COL25A1: variants seen among roughly 807,000 people sequenced by gnomAD.
COL25A1 encodes collagen type XXV alpha 1 chain.
COL25A1 carries 103 observed loss-of-function variants against 128.4 expected under a neutral mutation model. That is an observed-to-expected ratio of 0.80 (90% CI 0.68 to 0.94). The LOEUF is 0.94. Among genes scored for constraint, COL25A1 ranks in the 40% least tolerant of loss-of-function variants. The pLI is 0.00. For synonymous variants in COL25A1, 279 were observed against 277.2 expected, an observed-to-expected ratio of 1.01 and a Z score of -0.06; for missense variants, 745 against 840.0, an observed-to-expected ratio of 0.89 and a Z score of 1.40.
At chr4:108,962,607 C>T (rs1200395958) in intron 8 of COL25A1, among the ~76,000 whole-genome samples, 1 of 152,116 alleles carries the variant, frequency 6.6e-6, no homozygotes, top group Non-Finnish European at 1.5e-5. Flanking sequence ...TTGATACTAC[C>T]TTTCCATCAC....
At chr4:109,086,869 T>C (rs1158060504) in intron 3 of COL25A1, among the ~76,000 whole-genome samples, 2 of 152,152 alleles carry the variant, frequency 1.3e-5, no homozygotes, top group Non-Finnish European at 2.9e-5. Flanking sequence ...CACATGCTAG[T>C]GCCCACAGCA....
chr4:109,024,637 T>C (rs75447536), intron 5 of COL25A1, among the ~76,000 whole-genome samples: 1,558 of 152,256 alleles, frequency 0.01, 31 homozygotes, highest in African/African-American at 0.036. Context: ...ACTAGCCCCA[T>C]CTCATGATTA....
At chr4:109,063,428 G>C (rs1834355) in intron 3 of COL25A1, among the ~76,000 whole-genome samples, 1 of 151,230 alleles carries the variant, frequency 6.6e-6, no homozygotes, top group South Asian at 2.1e-4. Context: ...GCTTGAACCC[G>C]GAAGGCAGAA....
chr4:109,198,751 A>G (rs1342248106), intron 3 of COL25A1, among the ~76,000 whole-genome samples: 1 of 152,214 alleles, frequency 6.6e-6, no homozygotes, highest in Non-Finnish European at 1.5e-5. Context: ...CACACTTACA[A>G]TGGTTTAAAA....
intron 6 of COL25A1, among the ~76,000 whole-genome samples, chr4:109,000,546 G>C (rs1191400122): frequency 1.3e-5 from 2 of 152,002 alleles, no homozygotes; most frequent in Non-Finnish European, 2.9e-5. Context: ...AGGAGTTTGA[G>C]ACCAGCCTGG....
chr4:109,059,094 G>A (rs1015878616), intron 3 of COL25A1, among the ~76,000 whole-genome samples: 3 of 152,142 alleles, frequency 2.0e-5, no homozygotes, highest in Non-Finnish European at 4.4e-5. Context: ...TGTATCATGT[G>A]GGGGAAAAGC....
Position 108,918,439 on chromosome 4 carries a change from C to T in COL25A1, c.736-223G>A, listed in dbSNP as rs536675746. Among the ~76,000 whole-genome samples, 10 of 152,280 alleles carry T rather than the reference C, an allele frequency of 6.6e-5. No homozygotes were observed. The South Asian group carries it at 2.1e-3, about 32-fold the overall frequency. ...ACCTTGCTTCTAAGTATCCACTTAA[C>T]TTTAATATGTTTTAAAGAAATTTAC... On this transcript the variant is annotated intron_variant, in intron 12 of 37. Transcript: ENST00000399132.
At chr4:109,239,388 G>GTATATATATATATA (rs1303125158) in intron 3 of COL25A1, among the ~76,000 whole-genome samples, 2 of 90,178 alleles carry the variant, frequency 2.2e-5, no homozygotes, top group African/African-American at 1.0e-4. Flanking sequence ...GTGTGTGTGT[G>GTATATATATATATA]TGTGTGTATA....
At chr4:108,951,372 T>C (rs905882337) in intron 8 of COL25A1, among the ~76,000 whole-genome samples, 1 of 152,060 alleles carries the variant, frequency 6.6e-6, no homozygotes, top group African/African-American at 2.4e-5. Context: ...TTTTTTCATT[T>C]TTAGAAACTT....
intron 24 of COL25A1, among the ~76,000 whole-genome samples, chr4:108,855,001 G>T (rs971791068): frequency 6.6e-6 from 1 of 152,060 alleles, no homozygotes. Flanking sequence ...TCTGGTCTAG[G>T]TTCTGTGCTG....
rs976796659 is a variant in COL25A1, at chr4:109,145,509, C to T, written c.368-95330G>A. On this transcript the variant is annotated intron_variant, in intron 3 of 37. Coordinates refer to ENST00000399132, the MANE Select transcript of COL25A1 (RefSeq NM_198721.4). The stretch of plus-strand genomic sequence containing the variant: ...ATTTCATTCCTTTTATAATTTTTGA[C>T]AAGGTCAAATACTAAAGTTCAGTGT... 2.6e-5 allele frequency among the ~76,000 whole-genome samples: 4 copies of T among 152,144 alleles called. No homozygotes were observed. In the East Asian group the frequency reaches 7.7e-4, roughly 29 times the overall value.
chr4:108,979,367 G>C (rs931189911), intron 6 of COL25A1, among the ~76,000 whole-genome samples: 1 of 152,130 alleles, frequency 6.6e-6, no homozygotes, highest in Admixed American at 6.5e-5. Flanking sequence ...GGAAAATATT[G>C]AATTTCAATC....
rs1411458230 is a variant in COL25A1 at position 109,060,665 on chromosome 4, G to A, written c.368-10486C>T. 5.4e-5 allele frequency among the ~76,000 whole-genome samples: 8 copies of A among 148,554 alleles called. 1 individual carries two copies. Among genetic ancestry groups the A allele is most frequent in the African/African-American group, 1.5e-4 (6 of 39,592 alleles). ...GTACCTTCCACACGTTGGGTGCTCA[G>A]TACCAACTCAGACTCAATTTTCAAA... On this transcript the variant is annotated intron_variant, in intron 3 of 37. Transcript: ENST00000399132.
At chr4:108,863,965 C>T (rs553207473) in intron 20 of COL25A1, among the ~76,000 whole-genome samples, 2 of 152,152 alleles carry the variant, frequency 1.3e-5, no homozygotes, top group Non-Finnish European at 2.9e-5. Flanking sequence ...CTACCGTCAA[C>T]CCAGGGTCTC....
chr4:109,298,665 G>T (rs141192575), intron 3 of COL25A1, among the ~76,000 whole-genome samples: 2 of 152,158 alleles, frequency 1.3e-5, no homozygotes, highest in African/African-American at 4.8e-5. Flanking sequence ...TATTTTCAAC[G>T]TAATGTCCTT....
chr4:109,225,360 ACAT>A (rs770553649), intron 3 of COL25A1, among the ~76,000 whole-genome samples: 5 of 152,212 alleles, frequency 3.3e-5, no homozygotes, highest in Non-Finnish European at 5.9e-5. Context: ...AAATGGCTCA[ACAT>A]CACTGATCAT....
At chr4:109,035,373 G>T (rs1017245923) in intron 5 of COL25A1, among the ~76,000 whole-genome samples, 2 of 152,038 alleles carry the variant, frequency 1.3e-5, no homozygotes, top group Non-Finnish European at 1.5e-5. Context: ...GTTACATCTT[G>T]GTAATCACAG....
intron 3 of COL25A1, among the ~76,000 whole-genome samples, chr4:109,138,950 G>C (rs112789578): frequency 0.024 from 3,582 of 152,012 alleles, 126 homozygotes; most frequent in African/African-American, 0.074. Flanking sequence ...CTTGTGATCC[G>C]CCCACCTCGG....
At chr4:109,040,490 T>G (rs1342302770) in intron 5 of COL25A1, among the ~76,000 whole-genome samples, 1 of 152,216 alleles carries the variant, frequency 6.6e-6, no homozygotes, top group Non-Finnish European at 1.5e-5. Flanking sequence ...ATACTAACAT[T>G]CAAAATGTGT....
Sources: allele counts gnomAD v4.1 joint callset (sites outside exome capture counted in the v4.1 genomes callset), GRCh38; gene constraint gnomAD v4.1.1; transcripts MANE v1.5; gene names NCBI Gene and HGNC (gene_info 2026-07-23, HGNC 2026-07-21).